PDZD2: variants seen among roughly 807,000 people sequenced by gnomAD.
PDZD2 encodes PDZ domain-containing protein 2.
A neutral mutation model predicts 220.7 loss-of-function variants in PDZD2; 90 were observed. That is an observed-to-expected ratio of 0.41 (90% confidence interval 0.34 to 0.49). PDZD2 has a LOEUF of 0.49. Among genes scored for constraint, PDZD2 ranks in the 20% least tolerant of loss-of-function variants. The probability of loss-of-function intolerance (pLI) is 0.28; values close to 1 mark genes in which losing one functional copy is unlikely to be tolerated. For missense variants in PDZD2, 3,174 were observed against 3,608.5 expected (o/e 0.88, Z 3.08); for synonymous variants, 1,375 against 1,450.5 (o/e 0.95, Z 1.18).
chr5:31,706,842 C>CAA (rs60622267), intron 1 of PDZD2, among the ~76,000 whole-genome samples: 1,838 of 128,782 alleles, frequency 0.014, 52 homozygotes, highest in African/African-American at 0.046. Context: ...GATTCCATCT[C>CAA]AAAAAAAAAA....
chr5:32,100,870 G>C (rs868010345), intron 23 of PDZD2: 1 of 1,565,540 alleles, frequency 6.4e-7, no homozygotes. Flanking sequence ...AGAAAACACA[G>C]AACAAAGGAT....
intron 1 of PDZD2, among the ~76,000 whole-genome samples, chr5:31,783,064 G>A (rs1405524572): frequency 2.6e-5 from 4 of 152,080 alleles, no homozygotes; most frequent in Non-Finnish European, 5.9e-5. Flanking sequence ...TTTAAAGTTG[G>A]TTTAAACTTT....
chr5:31,823,042 C>T, intron 2 of PDZD2: 1 of 1,148,390 alleles, frequency 8.7e-7, no homozygotes, highest in South Asian at 1.2e-5. Flanking sequence ...CCGCAGGGTT[C>T]CTCTGGGGCC....
chr5:31,788,683 T>TAAATAAATAAATAATA (rs57606138), intron 1 of PDZD2, among the ~76,000 whole-genome samples: 71,019 of 150,796 alleles, frequency 0.47, 16,829 homozygotes, highest in East Asian at 0.59. Flanking sequence ...ATAAATAAAT[T>TAAATAAATAAATAATA]AAATAAATAA....
At chr5:31,724,151 G>A (rs539003475) in intron 1 of PDZD2, among the ~76,000 whole-genome samples, 3 of 152,108 alleles carry the variant, frequency 2.0e-5, no homozygotes, top group South Asian at 2.1e-4. Flanking sequence ...AAACTTTAGC[G>A]TAACTTCATA....
At chr5:31,927,509 G>A (rs963772433) in intron 2 of PDZD2, among the ~76,000 whole-genome samples, 3 of 152,116 alleles carry the variant, frequency 2.0e-5, no homozygotes, top group East Asian at 1.9e-4. Context: ...TCAGCCTCCC[G>A]AGTAGCTGGG....
chr5:31,691,339 C>A (rs554235248), intron 1 of PDZD2, among the ~76,000 whole-genome samples: 1 of 152,114 alleles, frequency 6.6e-6, no homozygotes, highest in South Asian at 2.1e-4. Context: ...CTCATAAAGG[C>A]AGTGTGGACC....
At chr5:31,662,756 G>A (rs532392776) in intron 1 of PDZD2, among the ~76,000 whole-genome samples, 165 of 152,192 alleles carry the variant, frequency 1.1e-3, no homozygotes, top group Non-Finnish European at 2.0e-3. Flanking sequence ...CAGCCTCCCG[G>A]GTAGCTGGGA....
At chr5:31,988,797 G>A (rs1184857207) in intron 3 of PDZD2, among the ~76,000 whole-genome samples, 6 of 152,028 alleles carry the variant, frequency 3.9e-5, no homozygotes, top group South Asian at 2.1e-4. Flanking sequence ...CGAGTGCTCC[G>A]CTCACTACCT....
Position 32,091,096 on chromosome 5 carries a change from G to A in PDZD2, c.7648G>A (p.Ala2550Thr), listed in dbSNP as rs779936989. Reference sequence around the variant, plus strand: ...AGGAGGAAGTGGCCCTAAAACCAGTGCTGCTGAGACACCCAGTTCAGCCAG... The same window carrying A: ...AGGAGGAAGTGGCCCTAAAACCAGTACTGCTGAGACACCCAGTTCAGCCAG... ...CPGGSGPKTS[A>T]AETPSSASDT... Residue 2550 changes from alanine (A) to threonine (T), a missense_variant, in exon 20 of 25, where the codon GCT becomes ACT. Ala to Thr is a moderately conservative substitution (Grantham distance 58, BLOSUM62 0). Coordinates refer to ENST00000438447, the MANE Select transcript of PDZD2 (RefSeq NM_178140.4). 1.2e-6 allele frequency: 2 copies of A among 1,606,546 alleles called. No homozygotes were observed. The highest frequency in any genetic ancestry group is 1.7e-5 in the Admixed American group (1 of 59,880).
At position 32,000,565 on chromosome 5, in the gene PDZD2, C is replaced by T. The variant is rs1163587268; in HGVS notation, c.1254+294C>T. 6.6e-6 allele frequency among the ~76,000 whole-genome samples: 1 copy of T among 152,086 alleles called. No individual in the cohort carries two copies. The highest frequency in any genetic ancestry group is 1.5e-5 in the Non-Finnish European group (1 of 68,004). Reference sequence around the variant, plus strand: ...CACTCTTGTTGCCTAGTCTGGAGTGCAATGGCGCAATCTCGGCTCACCGCA... The same window carrying T: ...CACTCTTGTTGCCTAGTCTGGAGTGTAATGGCGCAATCTCGGCTCACCGCA... On this transcript the variant is annotated intron_variant, in intron 5 of 24. Coordinates refer to ENST00000438447, the MANE Select transcript of PDZD2 (RefSeq NM_178140.4). The surrounding 1 kb of genome is among the most constrained non-coding windows in gnomAD (Gnocchi z 4.5).
Position 31,975,410 on chromosome 5 carries a change from C to T in PDZD2, c.477-7745C>T, listed in dbSNP as rs1749661884. Among the ~76,000 whole-genome samples, 3 of 152,190 alleles carry T rather than the reference C, an allele frequency of 2.0e-5. No individual in the cohort carries two copies. The South Asian group carries it at 6.2e-4, about 32-fold the overall frequency. On this transcript the variant is annotated intron_variant, in intron 2 of 24. Transcript: ENST00000438447. ...ACCCACTGCTATGATTCAGTTACCT[C>T]CCACCAGGTCCCTCCCATGACATGT...
intron 2 of PDZD2, among the ~76,000 whole-genome samples, chr5:31,969,477 C>G (rs1437842646): frequency 1.6e-5 from 2 of 126,686 alleles, no homozygotes; most frequent in African/African-American, 6.2e-5. Flanking sequence ...CGACTGTACT[C>G]CAGGCTGGGT....
chr5:31,891,077 G>A (rs377174928), intron 2 of PDZD2, among the ~76,000 whole-genome samples: 2 of 150,340 alleles, frequency 1.3e-5, no homozygotes, highest in African/African-American at 4.9e-5. Flanking sequence ...TCTCATTCTC[G>A]CTGCTTCCTC....
intron 17 of PDZD2, among the ~76,000 whole-genome samples, chr5:32,072,639 G>T (rs1740868451): frequency 6.6e-6 from 1 of 152,176 alleles, no homozygotes; most frequent in Admixed American, 6.5e-5. Context: ...GCTGAGTGGG[G>T]AGAATTGCTT....
chr5:32,045,216 G>A (rs1737810857), intron 7 of PDZD2, among the ~76,000 whole-genome samples: 1 of 152,198 alleles, frequency 6.6e-6, no homozygotes, highest in Non-Finnish European at 1.5e-5. Context: ...AAGAGCTCCT[G>A]TAGAGGTTCC....
intron 1 of PDZD2, among the ~76,000 whole-genome samples, chr5:31,777,920 A>G (rs1383845669): frequency 3.9e-5 from 6 of 152,226 alleles, no homozygotes; most frequent in African/African-American, 9.7e-5. Flanking sequence ...AAACACACCA[A>G]TCAGTGCTCT....
chr5:31,860,321 A>G (rs976406046), intron 2 of PDZD2, among the ~76,000 whole-genome samples: 1 of 152,058 alleles, frequency 6.6e-6, no homozygotes, highest in African/African-American at 2.4e-5. Context: ...GTTGCCCCCA[A>G]TTCCAGAGGC....
chr5:32,004,226 C>T (rs995472000), intron 5 of PDZD2, among the ~76,000 whole-genome samples: 1 of 152,184 alleles, frequency 6.6e-6, no homozygotes, highest in Non-Finnish European at 1.5e-5. Context: ...AAGCACGCTG[C>T]ATGTACCAGG....
Sources: gnomAD v4.1 joint callset for allele counts (sites outside exome capture counted in the v4.1 genomes callset) on GRCh38, gnomAD v4.1.1 for gene constraint, Gnocchi (gnomAD v3.1) non-coding constraint, MANE v1.5 for transcripts, NCBI Gene and HGNC (gene_info 2026-07-23, HGNC 2026-07-21) for gene names.